Variants in ZNF791 observed in about 807,000 individuals in gnomAD.
ZNF791 encodes zinc finger protein 791.
ZNF791 carries 4 observed loss-of-function variants against 11.5 expected under a neutral mutation model. The observed-to-expected ratio is 0.35, with a 90% CI of 0.17 to 0.80. ZNF791 has a LOEUF of 0.80. Among genes scored for constraint, ZNF791 ranks in the 30% least tolerant of loss-of-function variants. The pLI, the probability that ZNF791 is intolerant of heterozygous loss-of-function variation, is 0.53. For missense variants in ZNF791, 559 were observed against 699.4 expected (o/e 0.80, Z 2.26); for synonymous variants, 212 against 228.1 (o/e 0.93, Z 0.64).
At position 12,633,520 on chromosome 19, in the gene ZNF791, A is replaced by G. The variant is rs1313296359; in HGVS notation, c.*4260A>G. The G allele has an allele frequency of 1.3e-5, 2 of 152,170 alleles. No individual in the cohort carries two copies. Among genetic ancestry groups the G allele is most frequent in the African/African-American group, 4.8e-5 (2 of 41,442 alleles). The allele number at this position is 152,170 out of a possible 1,614,324, so 9.4% of individuals were successfully genotyped here. On this transcript the variant is annotated 3_prime_UTR_variant, in exon 4 of 4. Coordinates refer to ENST00000343325, the MANE Select transcript of ZNF791 (RefSeq NM_153358.3). ...ATTTTCCTGGTTATTTTCTCTGCCA[A>G]TCAAAAGTATCCTGAAAACACCCTG...
At chr19:12,626,622 T>G (rs2145194445) in intron 3 of ZNF791, among the ~76,000 whole-genome samples, 1 of 152,132 alleles carries the variant, frequency 6.6e-6, no homozygotes, top group Admixed American at 6.5e-5. Context: ...TTTTTATTTT[T>G]GAGACGAAGT....
intron 1 of ZNF791, chr19:12,612,446 T>C (rs2023173268): frequency 1.3e-5 from 2 of 150,088 alleles, no homozygotes; most frequent in East Asian, 3.9e-4. Flanking sequence ...TTATTATTTA[T>C]TTACTTTTTT....
chr19:12,621,723 G>C lies in ZNF791; in HGVS notation c.4-1977G>C, dbSNP rs573008147. Among the ~76,000 whole-genome samples, 99 of 67,528 alleles carry C rather than the reference G, an allele frequency of 1.5e-3. 1 individual carries two copies. The highest frequency in any genetic ancestry group is 5.7e-3 in the African/African-American group (95 of 16,714). The allele number at this position is 67,528 out of a possible 152,430, so 44.3% of individuals were successfully genotyped here. Reference sequence around the variant, plus strand: ...ATTAAAACCTCCACCTCGGTGGGGGGTCAGCCCCCCTGCCCGGCCAGCCGC... The same window carrying C: ...ATTAAAACCTCCACCTCGGTGGGGGCTCAGCCCCCCTGCCCGGCCAGCCGC... On this transcript the variant is annotated intron_variant, in intron 1 of 3. Transcript: ENST00000343325.
Position 12,622,162 on chromosome 19 carries a change from G to C in ZNF791, c.4-1538G>C, listed in dbSNP as rs552754415. ...ACAGATGCTTGAAGGCAGCATGCTC[G>C]TTAAGAGTCATCACCACTCCCTAAT... On this transcript the variant is annotated intron_variant, in intron 1 of 3. Transcript: ENST00000343325. 4.0e-3 allele frequency among the ~76,000 whole-genome samples: 528 copies of C among 131,988 alleles called. 5 individuals are homozygous for C. Among genetic ancestry groups the C allele is most frequent in the African/African-American group, 0.013 (490 of 37,098 alleles). The allele number at this position is 131,988 out of a possible 152,430, so 86.6% of individuals were successfully genotyped here. A position where few individuals can be genotyped will look rare whatever the true frequency, so the allele number is the denominator to read the frequency against.
chr19:12,620,933 G>A (rs1358795508), intron 1 of ZNF791, among the ~76,000 whole-genome samples: 3 of 151,566 alleles, frequency 2.0e-5, no homozygotes, highest in African/African-American at 4.9e-5. Context: ...ACTAATTTTT[G>A]TATTTTTAGT....
chr19:12,626,110 T>C (rs564958146), intron 3 of ZNF791, among the ~76,000 whole-genome samples: 1 of 152,218 alleles, frequency 6.6e-6, no homozygotes, highest in African/African-American at 2.4e-5. Flanking sequence ...TCCCACTCCC[T>C]GGTTCAAGGG....
chr19:12,623,870 T>TGGCG (rs2023389137), intron 2 of ZNF791, 44 bp downstream of exon 2: 1 of 712,926 alleles, frequency 1.4e-6, no homozygotes, highest in Non-Finnish European at 2.0e-6. Flanking sequence ...TTTTTTTTTT[T>TGGCG]GGGGGGGGAC....
chr19:12,623,871 G>GGGGA, intron 2 of ZNF791, 45 bp downstream of exon 2: 2 of 811,852 alleles, frequency 2.5e-6, no homozygotes, highest in Non-Finnish European at 3.5e-6. Flanking sequence ...TTTTTTTTTT[G>GGGGA]GGGGGGGACA....
Position 12,629,165 on chromosome 19 carries a change from C to G in ZNF791, c.1636C>G (p.His546Asp), listed in dbSNP as rs1568291327. 1 of 1,594,410 alleles carries G rather than the reference C, an allele frequency of 6.3e-7. No homozygotes were observed. The highest frequency in any genetic ancestry group is 8.5e-7 in the Non-Finnish European group (1 of 1,172,494). ...TTCCTTTCAAAGACATACAAGAATT[C>G]ACAATTATGAGAAACCTCTTGAATG... ...HSSFQRHTRI[H>D]NYEKPLECKQ... The change falls in exon 4 of 4, where the codon CAC (histidine) becomes GAC (aspartate). Residue 546 changes from histidine (H) to aspartate (D), a missense_variant. Physicochemically the swap from His to Asp is moderately conservative, Grantham distance 81. Transcript: ENST00000343325.
intron 3 of ZNF791, 95 bp from the exon 4 acceptor site, chr19:12,627,626 C>T (rs2023448207): frequency 8.3e-7 from 1 of 1,202,774 alleles, no homozygotes; most frequent in Admixed American, 2.3e-5. Flanking sequence ...GACTCCGTCT[C>T]AAAAAAGAAA....
chr19:12,617,641 A>G (rs577936865), intron 1 of ZNF791, among the ~76,000 whole-genome samples: 26 of 152,170 alleles, frequency 1.7e-4, no homozygotes, highest in South Asian at 6.2e-4. Flanking sequence ...AATGTTCCAC[A>G]TGAACTTGAG....
chr19:12,615,680 G>A (rs2023236058), intron 1 of ZNF791, among the ~76,000 whole-genome samples: 1 of 149,540 alleles, frequency 6.7e-6, no homozygotes, highest in Non-Finnish European at 1.5e-5. Flanking sequence ...CTGGGAGGCT[G>A]AGGCAGGAGA....
chr19:12,625,362 C>T (rs1005549554), intron 3 of ZNF791, among the ~76,000 whole-genome samples: 4 of 151,468 alleles, frequency 2.6e-5, no homozygotes, highest in African/African-American at 9.7e-5. Flanking sequence ...CTCAGGTGAT[C>T]TGCCCGCCTC....
rs770071211 is a variant in ZNF791, at chr19:12,623,757, C to G, written c.61C>G (p.Leu21Val). 11 of 1,613,166 alleles carry G rather than the reference C, an allele frequency of 6.8e-6. No homozygotes were observed. The highest frequency in any genetic ancestry group is 8.5e-6 in the Non-Finnish European group (10 of 1,179,686). ...CTTCAGCCAGGAGGAGTGGGCTCTG[C>G]TGGCTCCTTCACAGAAGAAACTCTA... Reference protein sequence around the residue: ...VSFSQEEWALLAPSQKKLYRD... With the variant: ...VSFSQEEWALVAPSQKKLYRD... The change falls in exon 2 of 4, where the codon CTG becomes GTG. Residue 21 changes from leucine to valine, a missense_variant. By Grantham distance (32) the Leu-to-Val change is conservative. Transcript: ENST00000343325.
chr19:12,614,201 A>G (rs1264929764), intron 1 of ZNF791, among the ~76,000 whole-genome samples: 1 of 152,098 alleles, frequency 6.6e-6, no homozygotes, highest in Non-Finnish European at 1.5e-5. Context: ...CTCCATTACC[A>G]GGTACTGACC....
intron 1 of ZNF791, 112 bp from the exon 2 acceptor site, chr19:12,623,588 C>T: frequency 7.4e-7 from 1 of 1,342,388 alleles, no homozygotes; most frequent in Non-Finnish European, 1.0e-6. Context: ...ACAATTGAGT[C>T]ATGCACTAAA....
At chr19:12,625,733 C>T (rs548921789) in intron 3 of ZNF791, among the ~76,000 whole-genome samples, 28 of 147,832 alleles carry the variant, frequency 1.9e-4, no homozygotes, top group African/African-American at 6.7e-4. Context: ...TGCAGTGAGC[C>T]CAGATCGCAC....
rs1274475033 is a variant in ZNF791, at chr19:12,628,896, G to A, written c.1367G>A (p.Arg456Gln). Residue 456 changes from arginine (R) to glutamine (Q), a missense_variant, in exon 4 of 4, where the codon CGA (arginine) becomes CAA (glutamine). Coordinates refer to ENST00000343325, the MANE Select transcript of ZNF791 (RefSeq NM_153358.3). ...GTGTTCATTTTTCCTAGTGCGTTAC[G>A]AACACATGAAAGAACTCACACTGGA... ...GKVFIFPSAL[R>Q]THERTHTGEK... is the part of the protein sequence containing the mutation. 13 of 1,613,424 alleles carry A rather than the reference G, an allele frequency of 8.1e-6. No homozygotes were observed. The highest frequency in any genetic ancestry group is 1.6e-4 in the Middle Eastern group (1 of 6,082).
intron 1 of ZNF791, among the ~76,000 whole-genome samples, chr19:12,613,126 T>G (rs950886195): frequency 6.6e-6 from 1 of 151,978 alleles, no homozygotes; most frequent in Non-Finnish European, 1.5e-5. Context: ...CCCGGCTAAT[T>G]TTTTTGTATT....
Sources: allele counts gnomAD v4.1 joint callset (sites outside exome capture counted in the v4.1 genomes callset), GRCh38; gene constraint gnomAD v4.1.1; transcripts MANE v1.5; gene names NCBI Gene and HGNC (gene_info 2026-07-23, HGNC 2026-07-21).